Variants in TBC1D5 observed in about 807,000 individuals in gnomAD.
TBC1D5 encodes TBC1 domain family, member 5.
A neutral mutation model predicts 100.3 loss-of-function variants in TBC1D5; 75 were observed. That is an observed-to-expected ratio of 0.75 (90% CI 0.62 to 0.91). The LOEUF (loss-of-function observed/expected upper bound fraction) is 0.91, where lower values mean the gene tolerates loss of function less well. TBC1D5 is among the 40% of genes least tolerant of loss of function. TBC1D5 has a pLI of 0.00. For synonymous variants in TBC1D5, 323 were observed against 325.6 expected (o/e 0.99, Z 0.09); for missense variants, 910 against 942.4 (o/e 0.97, Z 0.45).
At chr3:17,360,273 C>T (rs777578066) in intron 13 of TBC1D5, among the ~76,000 whole-genome samples, 14 of 151,964 alleles carry the variant, frequency 9.2e-5, no homozygotes, top group Non-Finnish European at 1.6e-4. Flanking sequence ...ATTAAATATT[C>T]GTTTTTCCTG....
At chr3:17,546,679 G>A (rs1438410342) in intron 2 of TBC1D5, among the ~76,000 whole-genome samples, 2 of 151,246 alleles carry the variant, frequency 1.3e-5, no homozygotes, top group African/African-American at 4.9e-5. Context: ...TGAGACTCCT[G>A]AGTCTCCCGA....
At chr3:17,414,456 T>A (rs948246077) in intron 4 of TBC1D5, among the ~76,000 whole-genome samples, 1 of 152,216 alleles carries the variant, frequency 6.6e-6, no homozygotes, top group African/African-American at 2.4e-5. Context: ...CACTGTACCA[T>A]AATTCCAGTA....
chr3:17,387,824 AATG>A (rs1308347369), intron 8 of TBC1D5, among the ~76,000 whole-genome samples: 21 of 151,458 alleles, frequency 1.4e-4, no homozygotes, highest in African/African-American at 4.4e-4. Flanking sequence ...AAAAATCAAC[AATG>A]ATGTTACAGT....
chr3:17,232,343 A>C (rs753337970), intron 17 of TBC1D5, among the ~76,000 whole-genome samples: 7 of 152,212 alleles, frequency 4.6e-5, no homozygotes, highest in Non-Finnish European at 8.8e-5. Context: ...TGGGACAACA[A>C]CACACATGTT....
chr3:17,591,233 C>CAAAAAAAAAAAA lies in TBC1D5; in HGVS notation c.-36+32604_-36+32615dup. On this transcript the variant is annotated intron_variant, in intron 2 of 21. Coordinates refer to ENST00000253692, the Ensembl canonical transcript of TBC1D5. ...ACTGGGCTACAAAGAAAGGATCTGT[C>CAAAAAAAAAAAA]AAAAAAAAAAAAAAAAAAAAAAAAA... 7.2e-3 allele frequency among the ~76,000 whole-genome samples: 135 copies of CAAAAAAAAAAAA among 18,638 alleles called. 14 individuals are homozygous for CAAAAAAAAAAAA. The highest frequency in any genetic ancestry group is 0.014 in the East Asian group (7 of 496). 12.2% of individuals were successfully genotyped at this position (18,638 alleles called of 152,430 possible).
At chr3:17,704,337 G>A (rs1199767602) in intron 1 of TBC1D5, among the ~76,000 whole-genome samples, 1 of 151,610 alleles carries the variant, frequency 6.6e-6, no homozygotes, top group African/African-American at 2.4e-5. Flanking sequence ...ACACAGACAC[G>A]GCAACCATCC....
In TBC1D5 at chr3:17,519,821, ATC is replaced by A. The variant is rs200505919; in HGVS notation, c.-35-11218_-35-11217del. On this transcript the variant is annotated intron_variant, in intron 2 of 21. Coordinates refer to ENST00000253692, the Ensembl canonical transcript of TBC1D5. ...TGGATTATACTATTTGAGATAAAAG[ATC>A]TGAGTTTTCCATCTTATTATTTTTT... is the stretch of plus-strand genomic sequence containing the variant. Among the ~76,000 whole-genome samples, 722 of 152,304 alleles carry A rather than the reference ATC, an allele frequency of 4.7e-3. 3 individuals carry two copies. Among genetic ancestry groups the A allele is most frequent in the Non-Finnish European group, 7.7e-3 (521 of 68,006 alleles).
At chr3:17,308,662 T>G (rs2083655621) in intron 13 of TBC1D5, among the ~76,000 whole-genome samples, 1 of 152,148 alleles carries the variant, frequency 6.6e-6, no homozygotes, top group Admixed American at 6.5e-5. Flanking sequence ...AGATAACCAT[T>G]TTTTTGGTCA....
intron 2 of TBC1D5, among the ~76,000 whole-genome samples, chr3:17,593,836 T>A (rs1224933632): frequency 3.9e-5 from 6 of 152,186 alleles, no homozygotes; most frequent in Non-Finnish European, 7.3e-5. Flanking sequence ...TAGGTGACAA[T>A]ACTTTGCAAG....
intron 3 of TBC1D5, among the ~76,000 whole-genome samples, chr3:17,507,149 C>G (rs1205255657): frequency 6.6e-6 from 1 of 152,176 alleles, no homozygotes; most frequent in Non-Finnish European, 1.5e-5. Context: ...TTTAAAACAT[C>G]CACTTACAGA....
intron 3 of TBC1D5, among the ~76,000 whole-genome samples, chr3:17,431,468 T>C (rs2094446794): frequency 6.6e-6 from 1 of 152,010 alleles, no homozygotes; most frequent in African/African-American, 2.4e-5. Context: ...GATGTCTTTA[T>C]TGAGTATATT....
At chr3:17,190,750 C>G (rs2125623990) in intron 18 of TBC1D5, among the ~76,000 whole-genome samples, 2 of 152,258 alleles carry the variant, frequency 1.3e-5, no homozygotes, top group South Asian at 4.1e-4. Context: ...AGGAATGGCA[C>G]TGAGGTGGAG....
intron 2 of TBC1D5, among the ~76,000 whole-genome samples, chr3:17,530,135 T>C (rs1253022285): frequency 6.6e-6 from 1 of 151,544 alleles, no homozygotes; most frequent in Non-Finnish European, 1.5e-5. Flanking sequence ...TCCCAGCTAC[T>C]TGGGAGGCTA....
chr3:17,503,196 A>G (rs2095805418), intron 3 of TBC1D5, among the ~76,000 whole-genome samples: 1 of 149,656 alleles, frequency 6.7e-6, no homozygotes, highest in Non-Finnish European at 1.5e-5. Context: ...ATCTTAAATC[A>G]CACTGAAATT....
chr3:17,441,252 A>G (rs2094648199), intron 3 of TBC1D5, among the ~76,000 whole-genome samples: 1 of 152,250 alleles, frequency 6.6e-6, no homozygotes, highest in Non-Finnish European at 1.5e-5. Flanking sequence ...TAGAAGTATT[A>G]TAGTGAACTA....
intron 16 of TBC1D5, among the ~76,000 whole-genome samples, chr3:17,257,118 T>A (rs1292469852): frequency 4.6e-5 from 7 of 151,922 alleles, no homozygotes; most frequent in Middle Eastern, 3.4e-3. Flanking sequence ...TACATGGAGG[T>A]ATGATATAAC....
intron 3 of TBC1D5, among the ~76,000 whole-genome samples, chr3:17,499,183 T>C (rs1197352848): frequency 6.6e-6 from 1 of 152,182 alleles, no homozygotes; most frequent in Non-Finnish European, 1.5e-5. Flanking sequence ...AGTTGCAGTA[T>C]ATAGTTTTTT....
At chr3:17,549,364 A>G (rs746814870) in intron 2 of TBC1D5, among the ~76,000 whole-genome samples, 16 of 152,200 alleles carry the variant, frequency 1.1e-4, no homozygotes, top group Non-Finnish European at 2.1e-4. Flanking sequence ...TCTTATTTGT[A>G]CTATGGTGCA....
chr3:17,683,510 G>C, intron 1 of TBC1D5, among the ~76,000 whole-genome samples: 1 of 152,024 alleles, frequency 6.6e-6, no homozygotes, highest in African/African-American at 2.4e-5. Context: ...TAAGAAAGAT[G>C]ACTAAATGTT....
Sources: gnomAD v4.1 joint callset for allele counts (sites outside exome capture counted in the v4.1 genomes callset) on GRCh38, gnomAD v4.1.1 for gene constraint, MANE v1.5 for transcripts, NCBI Gene and HGNC (gene_info 2026-07-23, HGNC 2026-07-21) for gene names.